The following CDH18 variants were observed in gnomAD, a reference collection of about 807,000 sequenced individuals.
The protein encoded by CDH18 is cadherin 18, also known as cadherin-18.
A neutral mutation model predicts 67.9 loss-of-function variants in CDH18; 31 were observed. That is an observed-to-expected ratio of 0.46 (90% CI 0.34 to 0.62). CDH18 has a LOEUF of 0.62. Among genes scored for constraint, CDH18 ranks in the 20% least tolerant of loss-of-function variants. The pLI, the probability that CDH18 is intolerant of heterozygous loss-of-function variation, is 0.01. For missense variants in CDH18, 890 were observed against 975.5 expected, an observed-to-expected ratio of 0.91 and a Z score of 1.17; for synonymous variants, 362 against 347.2, an observed-to-expected ratio of 1.04 and a Z score of -0.48.
At chr5:19,922,310 A>T (rs6887430) in intron 2 of CDH18, among the ~76,000 whole-genome samples, 133,440 of 152,178 alleles carry the variant, frequency 0.88, 59,037 homozygotes, top group South Asian at 0.97. Flanking sequence ...TTAATATTTT[A>T]ATCCATCAGG....
chr5:20,069,811 A>C (rs1402080490), intron 2 of CDH18, among the ~76,000 whole-genome samples: 1 of 152,154 alleles, frequency 6.6e-6, no homozygotes, highest in Non-Finnish European at 1.5e-5. Flanking sequence ...CTCTTCCCTT[A>C]CATATACACA....
At chr5:20,436,956 T>C (rs902352670) in intron 1 of CDH18, among the ~76,000 whole-genome samples, 1 of 151,592 alleles carries the variant, frequency 6.6e-6, no homozygotes, top group Admixed American at 6.6e-5. Context: ...GCAATGATGA[T>C]GATTTAAATA....
intron 1 of CDH18, among the ~76,000 whole-genome samples, chr5:20,385,412 A>G (rs528869444): frequency 6.6e-6 from 1 of 152,230 alleles, no homozygotes; most frequent in South Asian, 2.1e-4. Flanking sequence ...CAAAATATCT[A>G]CATGAAACAA....
At chr5:20,148,574 C>T (rs956167402) in intron 2 of CDH18, among the ~76,000 whole-genome samples, 4 of 152,062 alleles carry the variant, frequency 2.6e-5, no homozygotes, top group South Asian at 2.1e-4. Context: ...TGCCAGGTTG[C>T]GTATGCTCAG....
At chr5:20,005,903 A>G (rs1482684498) in intron 2 of CDH18, among the ~76,000 whole-genome samples, 1 of 152,022 alleles carries the variant, frequency 6.6e-6, no homozygotes, top group Non-Finnish European at 1.5e-5. Flanking sequence ...TTGGAGAACG[A>G]CCATTAGCAC....
At chr5:19,791,517 C>G (rs1776359171) in intron 3 of CDH18, among the ~76,000 whole-genome samples, 1 of 152,108 alleles carries the variant, frequency 6.6e-6, no homozygotes, top group Non-Finnish European at 1.5e-5. Flanking sequence ...TGTTAACTTT[C>G]TGGAAATATC....
intron 5 of CDH18, among the ~76,000 whole-genome samples, chr5:19,639,052 G>C (rs938963215): frequency 1.4e-5 from 2 of 139,934 alleles, no homozygotes; most frequent in Non-Finnish European, 1.5e-5. Context: ...TCCCAGGCTG[G>C]AGTGCAGTGG....
chr5:19,497,323 A>AT (rs1389905424), intron 11 of CDH18, among the ~76,000 whole-genome samples: 4 of 152,176 alleles, frequency 2.6e-5, no homozygotes, highest in Non-Finnish European at 5.9e-5. Context: ...TATAGACCAC[A>AT]TTTTCTTTGA....
intron 1 of CDH18, among the ~76,000 whole-genome samples, chr5:20,516,286 C>A (rs180855593): frequency 6.6e-6 from 1 of 151,592 alleles, no homozygotes. Context: ...ACCTTCTAAG[C>A]GCATAGGAGA....
At position 19,520,814 on chromosome 5, in the gene CDH18, T is replaced by C. The variant is rs368846487; in HGVS notation, c.1391-36A>G. Reference sequence around the variant, plus strand: ...CACAGGAATGTATTTAGTATTTCCATGCACACTTTAGAGGCTCGGTTTAAA... The same window carrying C: ...CACAGGAATGTATTTAGTATTTCCACGCACACTTTAGAGGCTCGGTTTAAA... On this transcript the variant is annotated intron_variant, in intron 9 of 12. Transcript: ENST00000382275. 3.3e-4 allele frequency: 526 copies of C among 1,608,954 alleles called. 3 individuals are homozygous for C. In the South Asian group the frequency reaches 5.5e-3, roughly 17 times the overall value.
Position 19,811,094 on chromosome 5 carries a change from G to T in CDH18, c.228+27665C>A, listed in dbSNP as rs866615607. On this transcript the variant is annotated intron_variant, in intron 3 of 12. Coordinates refer to ENST00000382275, the MANE Select transcript of CDH18 (RefSeq NM_004934.5). The stretch of plus-strand genomic sequence containing the variant: ...AGAAAGAGAAAAAGAAAGAAAGAAA[G>T]AAAGAAAGAAAGAAAGAAAGAAAGA... Among the ~76,000 whole-genome samples, 3 of 33,090 alleles carry T rather than the reference G, an allele frequency of 9.1e-5. No homozygotes were observed. The Admixed American group carries it at 1.1e-3, about 12-fold the overall frequency. The allele number at this position is 33,090 out of a possible 152,430, so 21.7% of individuals were successfully genotyped here.
chr5:19,634,032 C>T (rs760182363), intron 5 of CDH18, among the ~76,000 whole-genome samples: 1 of 152,120 alleles, frequency 6.6e-6, no homozygotes, highest in Non-Finnish European at 1.5e-5. Context: ...AAACATTGGC[C>T]ATCTAATATC....
chr5:20,105,866 T>A (rs1325229752), intron 2 of CDH18, among the ~76,000 whole-genome samples: 1 of 152,220 alleles, frequency 6.6e-6, no homozygotes, highest in Non-Finnish European at 1.5e-5. Context: ...TGAATAAAGT[T>A]GCAATGAACA....
intron 2 of CDH18, among the ~76,000 whole-genome samples, chr5:20,022,157 A>T (rs1325595143): frequency 2.6e-5 from 4 of 152,172 alleles, no homozygotes; most frequent in Non-Finnish European, 5.9e-5. Context: ...AACTTTAAAC[A>T]CCACAAAACA....
At chr5:20,134,665 T>G (rs768277135) in intron 2 of CDH18, among the ~76,000 whole-genome samples, 2 of 152,138 alleles carry the variant, frequency 1.3e-5, no homozygotes, top group Non-Finnish European at 2.9e-5. Context: ...CCAAACCATA[T>G]CAATAGTTAT....
chr5:19,746,767 G>T (rs1770049701), intron 4 of CDH18, among the ~76,000 whole-genome samples, 175 bp downstream of exon 4: 2 of 151,980 alleles, frequency 1.3e-5, no homozygotes, highest in Non-Finnish European at 2.9e-5. Context: ...GAATATAATT[G>T]CTAGACCCAA....
intron 7 of CDH18, among the ~76,000 whole-genome samples, chr5:19,580,965 G>C (rs940185156): frequency 1.3e-5 from 2 of 151,846 alleles, no homozygotes; most frequent in Non-Finnish European, 2.9e-5. Flanking sequence ...TTATTATTAA[G>C]TTAAAAATGA....
intron 3 of CDH18, among the ~76,000 whole-genome samples, chr5:19,756,302 A>T (rs978005776): frequency 2.6e-5 from 4 of 152,218 alleles, no homozygotes; most frequent in Non-Finnish European, 5.9e-5. Context: ...TTAGCAAAAG[A>T]AGGAGGAAAT....
At chr5:20,049,113 T>C (rs923084901) in intron 2 of CDH18, among the ~76,000 whole-genome samples, 6 of 151,660 alleles carry the variant, frequency 4.0e-5, no homozygotes, top group African/African-American at 1.2e-4. Flanking sequence ...ATTTACTAAA[T>C]GGTAGAGTAT....
Sources: gnomAD v4.1 joint callset for allele counts (sites outside exome capture counted in the v4.1 genomes callset) on GRCh38, gnomAD v4.1.1 for gene constraint, MANE v1.5 for transcripts, NCBI Gene and HGNC (gene_info 2026-07-23, HGNC 2026-07-21) for gene names.